The following RLN2 variants were observed in gnomAD, a reference collection of about 807,000 sequenced individuals.
RLN2 encodes relaxin 2, also known as prorelaxin H2.
In RLN2, 10 loss-of-function variants were observed where a neutral mutation model predicts 7.3. That is an observed-to-expected ratio of 1.36 (90% confidence interval 0.84 to 2.31). The LOEUF is 2.31. Among genes scored for constraint, RLN2 ranks in the 30% most tolerant of loss-of-function variants. The pLI, the probability that RLN2 is intolerant of heterozygous loss-of-function variation, is 0.00. For synonymous variants in RLN2, 103 were observed against 82.3 expected (o/e 1.25, Z -1.36); for missense variants, 298 against 217.6 (o/e 1.37, Z -2.32).
At chr9:5,319,750 C>G in the RLN2 span, among the ~76,000 whole-genome samples, 124 of 152,034 alleles carry the variant, frequency 8.2e-4, 1 homozygote, top group Non-Finnish European at 1.5e-3. Context: ...CCACTGAAAT[C>G]CTGGACAGTA....
the RLN2 span, among the ~76,000 whole-genome samples, chr9:5,332,603 A>AG: frequency 3.4e-5 from 5 of 148,744 alleles, no homozygotes; most frequent in African/African-American, 1.2e-4. Flanking sequence ...GAGCAAGTTG[A>AG]GGGGTCACTG....
chr9:5,300,496 G>A (rs1203038975), intron 1 of RLN2, 52 bp from the exon 2 acceptor site: 1 of 1,236,898 alleles, frequency 8.1e-7, no homozygotes, highest in Non-Finnish European at 1.1e-6. Context: ...ATGTCAAAGA[G>A]CACTCAGAAA....
the RLN2 span, among the ~76,000 whole-genome samples, chr9:5,327,659 G>A: frequency 6.6e-6 from 1 of 151,956 alleles, no homozygotes; most frequent in South Asian, 2.1e-4. Flanking sequence ...AGTAGGGGCT[G>A]ACAGACACTT....
the RLN2 span, among the ~76,000 whole-genome samples, chr9:5,319,884 G>A: frequency 6.6e-6 from 1 of 151,806 alleles, no homozygotes; most frequent in Non-Finnish European, 1.5e-5. Context: ...AATAATAGAA[G>A]AGCAGGTGAA....
the RLN2 span, among the ~76,000 whole-genome samples, chr9:5,322,262 G>A: frequency 5.9e-5 from 9 of 152,002 alleles, no homozygotes; most frequent in South Asian, 8.3e-4. Context: ...AGAAACATCA[G>A]GGGTGAGTTA....
chr9:5,335,170 TG>T, the RLN2 span: 2 of 741,510 alleles, frequency 2.7e-6, no homozygotes, highest in Non-Finnish European at 4.3e-6. Context: ...TAATAATTAG[TG>T]GGACCTGACA....
chr9:5,319,943 G>C, the RLN2 span, among the ~76,000 whole-genome samples: 1 of 151,226 alleles, frequency 6.6e-6, no homozygotes, highest in East Asian at 1.9e-4. Context: ...TATTTGATCA[G>C]ATACCATTAA....
the RLN2 span, among the ~76,000 whole-genome samples, chr9:5,325,472 A>G: frequency 6.6e-6 from 1 of 152,068 alleles, no homozygotes; most frequent in African/African-American, 2.4e-5. Flanking sequence ...CAAACAAGAG[A>G]GCTTAATAAA....
the RLN2 span, among the ~76,000 whole-genome samples, chr9:5,327,880 G>T: frequency 2.0e-5 from 3 of 152,038 alleles, no homozygotes; most frequent in East Asian, 5.8e-4. Context: ...CAACAAAAAG[G>T]ACATCCACAA....
chr9:5,324,159 T>C, the RLN2 span, among the ~76,000 whole-genome samples: 3 of 152,090 alleles, frequency 2.0e-5, 1 homozygote, highest in South Asian at 2.1e-4. Flanking sequence ...GTGGGTAGAT[T>C]AGCAGTTACT....
chr9:5,315,280 C>T, the RLN2 span, among the ~76,000 whole-genome samples: 1 of 151,514 alleles, frequency 6.6e-6, no homozygotes, highest in South Asian at 2.1e-4. Context: ...AAACAGAAAT[C>T]TTAGAGCTCA....
At chr9:5,330,073 G>C in the RLN2 span, among the ~76,000 whole-genome samples, 1 of 152,000 alleles carries the variant, frequency 6.6e-6, no homozygotes, top group South Asian at 2.1e-4. Flanking sequence ...TCAGACCACA[G>C]TGCAATCAAA....
At chr9:5,332,442 G>A in the RLN2 span, among the ~76,000 whole-genome samples, 396 of 152,090 alleles carry the variant, frequency 2.6e-3, 6 homozygotes, top group African/African-American at 8.4e-3. Flanking sequence ...TGGATAACTG[G>A]TGCTGGAAGC....
At chr9:5,318,007 C>CATGTGTGTGTGTGTGT in the RLN2 span, among the ~76,000 whole-genome samples, 1 of 147,948 alleles carries the variant, frequency 6.8e-6, no homozygotes, top group South Asian at 2.1e-4. Context: ...TGTGTGTGTG[C>CATGTGTGTGTGTGTGT]GTGTGTGTGT....
At chr9:5,327,363 G>C in the RLN2 span, among the ~76,000 whole-genome samples, 1 of 152,022 alleles carries the variant, frequency 6.6e-6, no homozygotes, top group East Asian at 1.9e-4. Context: ...CCATTGCTGA[G>C]GCTTGAGTAG....
At chr9:5,304,938 C>A (rs1036667444), upstream of RLN2, 11 of 222,450 alleles carry the variant, frequency 4.9e-5, no homozygotes, top group African/African-American at 2.5e-4. Context: ...GATATGAAGC[C>A]TTTCCTTTTA....
At chr9:5,335,749 A>T in the RLN2 span, 1 of 616,042 alleles carries the variant, frequency 1.6e-6, no homozygotes, top group South Asian at 2.1e-5. Flanking sequence ...ATATCTAAAC[A>T]CTTAGCTTTC....
the RLN2 span, among the ~76,000 whole-genome samples, chr9:5,332,700 G>C: frequency 7.3e-4 from 111 of 151,044 alleles, no homozygotes; most frequent in Middle Eastern, 3.4e-3. Context: ...TCAGCTTACT[G>C]CAACTCCCGG....
upstream of RLN2, among the ~76,000 whole-genome samples, chr9:5,305,402 CAG>C (rs3834385): frequency 0.027 from 3,011 of 111,978 alleles, 50 homozygotes; most frequent in African/African-American, 0.033. Context: ...CACACACACA[CAG>C]AGAGAGAGAG....
Sources: gnomAD v4.1 joint callset for allele counts (sites outside exome capture counted in the v4.1 genomes callset) on GRCh38, gnomAD v4.1.1 for gene constraint, MANE v1.5 for transcripts, NCBI Gene and HGNC (gene_info 2026-07-23, HGNC 2026-07-21) for gene names.